Variants in CEP112 observed in about 807,000 individuals in gnomAD.
CEP112 encodes the protein centrosomal protein of 112 kDa.
A neutral mutation model predicts 153.0 loss-of-function variants in CEP112; 127 were observed. The ratio of observed to expected loss-of-function variants is 0.83; its 90% confidence interval spans 0.72 to 0.96. CEP112 has a LOEUF of 0.96. Among genes scored for constraint, CEP112 ranks in the 40% least tolerant of loss-of-function variants. The pLI, the probability that CEP112 is intolerant of heterozygous loss-of-function variation, is 0.00. For missense variants in CEP112, 1,089 were observed against 1,101.2 expected (o/e 0.99, Z 0.16); for synonymous variants, 358 against 374.4 (o/e 0.96, Z 0.51).
At chr17:66,098,393 T>C (rs9899247) in intron 6 of CEP112, among the ~76,000 whole-genome samples, 143,964 of 152,274 alleles carry the variant, frequency 0.95, 68,151 homozygotes, top group East Asian at 0.98. Context: ...TATAAATTAT[T>C]GGATTCTAGT....
intron 12 of CEP112, among the ~76,000 whole-genome samples, chr17:66,052,622 G>A (rs949127431): frequency 1.3e-5 from 2 of 152,130 alleles, no homozygotes; most frequent in East Asian, 3.9e-4. Context: ...AATTACTTCA[G>A]TAAGGACCAT....
intron 21 of CEP112, among the ~76,000 whole-genome samples, chr17:65,772,642 T>G (rs1215056016): frequency 6.6e-6 from 1 of 151,522 alleles, no homozygotes; most frequent in Non-Finnish European, 1.5e-5. Context: ...GAAACCCTGA[T>G]ATACCCCTCT....
intron 1 of CEP112, among the ~76,000 whole-genome samples, chr17:66,187,308 G>A (rs1426784249): frequency 2.0e-5 from 3 of 151,968 alleles, no homozygotes; most frequent in Non-Finnish European, 4.4e-5. Flanking sequence ...CATTCCATTC[G>A]CCAAATCCAC....
At chr17:66,060,045 T>C (rs567793896) in intron 11 of CEP112, among the ~76,000 whole-genome samples, 93 of 151,616 alleles carry the variant, frequency 6.1e-4, no homozygotes, top group African/African-American at 2.1e-3. Context: ...AATGCAGAAA[T>C]AGAAAACCAA....
rs75273672 is a variant in CEP112, at chr17:65,790,648, C to T, written c.2395-39924G>A. Among the ~76,000 whole-genome samples, 851 of 152,284 alleles carry T rather than the reference C, an allele frequency of 5.6e-3. 4 individuals are homozygous for T. The highest frequency in any genetic ancestry group is 0.02 in the African/African-American group (818 of 41,550). On this transcript the variant is annotated intron_variant, in intron 21 of 26. Coordinates refer to ENST00000535342, the MANE Select transcript of CEP112 (RefSeq NM_001199165.4). ...TTAATTAGGACCTATATTTTCTAAA[C>T]ACAGGGCTCAGGCCATTTTCTGAAA...
intron 24 of CEP112, among the ~76,000 whole-genome samples, chr17:65,662,979 C>T (rs2046469323): frequency 6.6e-6 from 1 of 152,158 alleles, no homozygotes; most frequent in African/African-American, 2.4e-5. Flanking sequence ...ACTTAGGTCT[C>T]TATAACAATT....
intron 21 of CEP112, among the ~76,000 whole-genome samples, chr17:65,759,534 C>G (rs2052485250): frequency 6.6e-6 from 1 of 152,086 alleles, no homozygotes; most frequent in African/African-American, 2.4e-5. Flanking sequence ...AACATTCAAA[C>G]TTGAAAATAA....
chr17:65,907,046 A>G (rs1164318992), intron 19 of CEP112, among the ~76,000 whole-genome samples: 1 of 152,232 alleles, frequency 6.6e-6, no homozygotes, highest in South Asian at 2.1e-4. Flanking sequence ...ATTGGTTAAA[A>G]GCAAAATATT....
intron 20 of CEP112, among the ~76,000 whole-genome samples, chr17:65,885,210 GATT>G (rs940144267): frequency 8.5e-5 from 13 of 152,050 alleles, no homozygotes; most frequent in East Asian, 3.9e-4. Context: ...AATGGATTGA[GATT>G]ATTTATACTG....
At chr17:65,759,166 A>C (rs2052460627) in intron 21 of CEP112, among the ~76,000 whole-genome samples, 1 of 152,136 alleles carries the variant, frequency 6.6e-6, no homozygotes, top group South Asian at 2.1e-4. Flanking sequence ...CCAGGAAGTT[A>C]CCCTATATTG....
At chr17:66,013,561 T>A (rs1388686552) in intron 16 of CEP112, among the ~76,000 whole-genome samples, 1 of 149,026 alleles carries the variant, frequency 6.7e-6, no homozygotes, top group Non-Finnish European at 1.5e-5. Context: ...ATCGGGTCAC[T>A]GGCTTTGTTC....
chr17:65,860,565 A>C (rs2058281622), intron 20 of CEP112, among the ~76,000 whole-genome samples: 1 of 152,226 alleles, frequency 6.6e-6, no homozygotes, highest in African/African-American at 2.4e-5. Flanking sequence ...AAAATTGACC[A>C]ATGAAACAGA....
intron 24 of CEP112, among the ~76,000 whole-genome samples, chr17:65,649,095 C>A (rs202146614): frequency 0.39 from 57,906 of 146,708 alleles, 11,459 homozygotes; most frequent in Admixed American, 0.5. Flanking sequence ...CACACACACA[C>A]ACACACACAC....
chr17:65,827,708 T>C (rs2056896439), intron 21 of CEP112, among the ~76,000 whole-genome samples: 1 of 152,188 alleles, frequency 6.6e-6, no homozygotes, highest in South Asian at 2.1e-4. Context: ...GGAATGCCTC[T>C]AATGTCTTTT....
intron 21 of CEP112, among the ~76,000 whole-genome samples, chr17:65,786,100 G>A (rs1204841027): frequency 6.6e-6 from 1 of 151,952 alleles, no homozygotes; most frequent in African/African-American, 2.4e-5. Flanking sequence ...TTTCATTGAT[G>A]TTTTGTAGTT....
intron 21 of CEP112, among the ~76,000 whole-genome samples, chr17:65,805,711 T>G (rs948516952): frequency 6.6e-6 from 1 of 152,226 alleles, no homozygotes; most frequent in African/African-American, 2.4e-5. Context: ...TTCCTTTTAT[T>G]TGGCTTGAAA....
chr17:65,781,895 T>A (rs2054017549), intron 21 of CEP112, among the ~76,000 whole-genome samples: 1 of 152,188 alleles, frequency 6.6e-6, no homozygotes, highest in Non-Finnish European at 1.5e-5. Flanking sequence ...CCTCCATCTA[T>A]AAGAATCCTA....
At chr17:66,046,752 T>A (rs8069434) in intron 12 of CEP112, among the ~76,000 whole-genome samples, 86,539 of 151,876 alleles carry the variant, frequency 0.57, 25,827 homozygotes, top group African/African-American at 0.67. Context: ...ACAACTTCTG[T>A]CATTATGAGA....
chr17:66,185,739 T>C (rs1339541399), intron 1 of CEP112, among the ~76,000 whole-genome samples: 3 of 152,240 alleles, frequency 2.0e-5, no homozygotes, highest in African/African-American at 4.8e-5. Flanking sequence ...CTTTACATTA[T>C]GAATAGTGCC....
Sources: gnomAD v4.1 joint callset for allele counts (sites outside exome capture counted in the v4.1 genomes callset) on GRCh38, gnomAD v4.1.1 for gene constraint, MANE v1.5 for transcripts, NCBI Gene and HGNC (gene_info 2026-07-23, HGNC 2026-07-21) for gene names.